GPATCH8: variants seen among roughly 807,000 people sequenced by gnomAD.
The protein encoded by GPATCH8 is G patch domain-containing protein 8.
GPATCH8 carries 18 observed loss-of-function variants against 118.3 expected under a neutral mutation model. That is an observed-to-expected ratio of 0.15 (90% confidence interval 0.11 to 0.23). The LOEUF (loss-of-function observed/expected upper bound fraction) is 0.23. Among genes scored for constraint, GPATCH8 ranks in the 10% least tolerant of loss-of-function variants. The pLI is 1.00. For synonymous variants in GPATCH8, 659 were observed against 684.7 expected (o/e 0.96, Z 0.59); for missense variants, 1,631 against 1,873.8 (o/e 0.87, Z 2.39).
chr17:44,414,140 T>G (rs2049581269), intron 6 of GPATCH8, among the ~76,000 whole-genome samples: 1 of 124,586 alleles, frequency 8.0e-6, no homozygotes, highest in Non-Finnish European at 1.5e-5. Context: ...TATATATATA[T>G]ATGTGTATAT....
At chr17:44,439,783 C>CTTT (rs200851468) in intron 3 of GPATCH8, among the ~76,000 whole-genome samples, 4 of 140,552 alleles carry the variant, frequency 2.8e-5, no homozygotes, top group Non-Finnish European at 3.1e-5. Flanking sequence ...GAAAACTCAA[C>CTTT]TTTTTTTTTT....
chr17:44,452,096 C>T (rs911362125), intron 3 of GPATCH8, among the ~76,000 whole-genome samples: 4 of 151,758 alleles, frequency 2.6e-5, no homozygotes, highest in Non-Finnish European at 5.9e-5. Context: ...CATAGTGAAA[C>T]CCCGTCTCTA....
Position 44,435,132 on chromosome 17 carries a change from G to T in GPATCH8, c.281C>A (p.Ala94Asp). 2 of 1,484,288 alleles carry T rather than the reference G, an allele frequency of 1.3e-6. No homozygotes were observed. Among genetic ancestry groups the T allele is most frequent in the African/African-American group, 1.4e-5 (1 of 72,602 alleles). The allele number at this position is 1,484,288 out of a possible 1,614,324, so 91.9% of individuals were successfully genotyped here. ...MEMELDYAED[A>D]TERRRVLEVE... is the part of the protein sequence containing the mutation. The stretch of plus-strand genomic sequence containing the variant: ...TTCTAGGACACGGCGCCGTTCGGTA[G>T]CATCTTCAGCATAATCAAGCTTGAC... Residue 94 changes from alanine (A) to aspartate (D), a missense_variant, in exon 5 of 8, where the codon GCT (alanine) becomes GAT (aspartate). Physicochemically the swap from Ala to Asp is moderately radical, Grantham distance 126. Around this residue, in one of 8 missense-constraint regions of GPATCH8, gnomAD observed 81 missense variants for 227.6 expected, o/e 0.36. Coordinates refer to ENST00000591680, the MANE Select transcript of GPATCH8 (RefSeq NM_001002909.4).
chr17:44,448,102 C>A (rs2050955232), intron 3 of GPATCH8, among the ~76,000 whole-genome samples: 1 of 151,982 alleles, frequency 6.6e-6, no homozygotes, highest in Non-Finnish European at 1.5e-5. Flanking sequence ...CACTACCAAG[C>A]CCGGCTAATT....
In GPATCH8 at chr17:44,448,295, C is replaced by T. The variant is rs374671743; in HGVS notation, c.194-11750G>A. On this transcript the variant is annotated intron_variant, in intron 3 of 7. Transcript: ENST00000591680. Reference sequence around the variant, plus strand: ...ATTACAGGCTGGGTATGGTGGCTCACGCCTATAATCCCAGCACTTTGGGAG... The same window carrying T: ...ATTACAGGCTGGGTATGGTGGCTCATGCCTATAATCCCAGCACTTTGGGAG... Among the ~76,000 whole-genome samples the T allele has an allele frequency of 7.8e-4, 118 of 151,984 alleles. No individual in the cohort carries two copies. In the South Asian group the frequency reaches 9.8e-3, roughly 13 times the overall value.
At chr17:44,447,993 G>GA (rs1289741995) in intron 3 of GPATCH8, among the ~76,000 whole-genome samples, 2 of 152,048 alleles carry the variant, frequency 1.3e-5, no homozygotes, top group African/African-American at 4.8e-5. Context: ...GCCCCAGCTG[G>GA]AGTACAGTGG....
intron 3 of GPATCH8, among the ~76,000 whole-genome samples, chr17:44,457,201 C>T (rs908396781): frequency 1.3e-5 from 2 of 152,072 alleles, no homozygotes; most frequent in African/African-American, 4.8e-5. Context: ...CTCAGTTTCC[C>T]TTCAGAGAGT....
Position 44,396,566 on chromosome 17 carries a change from A to G in GPATCH8, c.*1002T>C, listed in dbSNP as rs764394790. On this transcript the variant is annotated 3_prime_UTR_variant, in exon 8 of 8. Coordinates refer to ENST00000591680, the MANE Select transcript of GPATCH8 (RefSeq NM_001002909.4). Reference sequence around the variant, plus strand: ...CAGTTTTGCATCTAGCAGAAAACAAATATTTTATTTTTTGTTTTCATTTTA... The same window carrying G: ...CAGTTTTGCATCTAGCAGAAAACAAGTATTTTATTTTTTGTTTTCATTTTA... 10 of 435,612 alleles carry G rather than the reference A, an allele frequency of 2.3e-5. No homozygotes were observed. Among genetic ancestry groups the G allele is most frequent in the South Asian group, 1.3e-4 (8 of 60,216 alleles). 27.0% of individuals were successfully genotyped at this position (435,612 alleles called of 1,614,324 possible).
At chr17:44,422,939 T>C (rs1403580027) in intron 6 of GPATCH8, among the ~76,000 whole-genome samples, 1 of 152,086 alleles carries the variant, frequency 6.6e-6, no homozygotes, top group Non-Finnish European at 1.5e-5. Flanking sequence ...TATAAATTTC[T>C]CTTCTTCGAA....
intron 5 of GPATCH8, among the ~76,000 whole-genome samples, chr17:44,431,378 GAAAA>G (rs776468380): frequency 8.4e-5 from 4 of 47,808 alleles, no homozygotes; most frequent in Non-Finnish European, 1.3e-4. Flanking sequence ...TCTCAAAAAG[GAAAA>G]AAAAAAAAAA....
intron 6 of GPATCH8, among the ~76,000 whole-genome samples, chr17:44,414,058 C>CATATATATAT (rs3065774): frequency 1.4e-5 from 2 of 138,436 alleles, no homozygotes; most frequent in African/African-American, 5.3e-5. Flanking sequence ...TGCTTTAAGG[C>CATATATATAT]ATATATATAT....
At position 44,416,511 on chromosome 17, in the gene GPATCH8, G is replaced by A. The variant is rs898758233; in HGVS notation, c.492+7838C>T. Among the ~76,000 whole-genome samples the A allele has an allele frequency of 3.3e-5, 5 of 152,110 alleles. No homozygotes were observed. The East Asian group carries it at 5.8e-4, about 18-fold the overall frequency. Reference sequence around the variant, plus strand: ...AGACCCCAAGAAAATGGTATGAACAGTGGTATAGAATACCACTGAACCCAA... The same window carrying A: ...AGACCCCAAGAAAATGGTATGAACAATGGTATAGAATACCACTGAACCCAA... On this transcript the variant is annotated intron_variant, in intron 6 of 7. Transcript: ENST00000591680.
intron 6 of GPATCH8, among the ~76,000 whole-genome samples, chr17:44,408,378 A>C (rs1005066132): frequency 6.6e-6 from 1 of 151,712 alleles, no homozygotes; most frequent in African/African-American, 2.4e-5. Context: ...GTAGAGATGA[A>C]GTTTCATTTT....
chr17:44,485,282 A>G (rs1968691366), intron 1 of GPATCH8, among the ~76,000 whole-genome samples: 1 of 152,066 alleles, frequency 6.6e-6, no homozygotes, highest in Non-Finnish European at 1.5e-5. Flanking sequence ...GTTTTCATTT[A>G]AAAATTTTTT....
chr17:44,483,825 T>TTTG (rs55703241), intron 1 of GPATCH8, among the ~76,000 whole-genome samples: 56,009 of 149,052 alleles, frequency 0.38, 10,687 homozygotes, highest in Middle Eastern at 0.48. Context: ...TTTGGTTGTT[T>TTTG]TTGTTGTTGT....
At chr17:44,474,993 T>C in intron 1 of GPATCH8, 90 bp from the exon 2 acceptor site, 2 of 716,722 alleles carry the variant, frequency 2.8e-6, no homozygotes, top group East Asian at 5.4e-5. Flanking sequence ...ATTTTTAACT[T>C]TTCTTTTTTT....
Position 44,421,872 on chromosome 17 carries a change from G to A in GPATCH8, c.492+2477C>T, listed in dbSNP as rs184643279. Among the ~76,000 whole-genome samples the A allele has an allele frequency of 4.8e-3, 733 of 151,714 alleles. 5 individuals carry two copies. The highest frequency in any genetic ancestry group is 0.017 in the African/African-American group (707 of 41,338). On this transcript the variant is annotated intron_variant, in intron 6 of 7. Coordinates refer to ENST00000591680, the MANE Select transcript of GPATCH8 (RefSeq NM_001002909.4). ...CCCCCAAGCAGCTGGGATTACAGGC[G>A]TGCACCACCATGCCTGGCTAATTTT...
chr17:44,491,979 G>A (rs1969282200), intron 1 of GPATCH8, among the ~76,000 whole-genome samples: 1 of 152,052 alleles, frequency 6.6e-6, no homozygotes, highest in Non-Finnish European at 1.5e-5. Context: ...GATTATTAGT[G>A]TCATTTCACT....
chr17:44,454,693 G>C (rs1178533231), intron 3 of GPATCH8, among the ~76,000 whole-genome samples: 1 of 152,154 alleles, frequency 6.6e-6, no homozygotes, highest in Non-Finnish European at 1.5e-5. Context: ...ACAGTGCTGG[G>C]ACTGCAGGGG....
Sources: gnomAD v4.1 joint callset for allele counts (sites outside exome capture counted in the v4.1 genomes callset) on GRCh38, gnomAD v4.1.1 for gene constraint, gnomAD v4.1.1 regional missense constraint, MANE v1.5 for transcripts, NCBI Gene and HGNC (gene_info 2026-07-23, HGNC 2026-07-21) for gene names.